The following FAT3 variants were observed in gnomAD, a reference collection of about 807,000 sequenced individuals.
FAT3 encodes FAT atypical cadherin 3.
In FAT3, 95 loss-of-function variants were observed where a neutral mutation model predicts 310.2. The observed-to-expected ratio is 0.31, with a 90% CI of 0.26 to 0.36. FAT3 has a LOEUF of 0.36. FAT3 is among the 10% of genes least tolerant of loss of function. The pLI, the probability that FAT3 is intolerant of heterozygous loss-of-function variation, is 1.00. For missense variants in FAT3, 5,408 were observed against 5,715.6 expected (o/e 0.95, Z 1.74); for synonymous variants, 2,314 against 2,192.9 (o/e 1.06, Z -1.54).
chr11:92,852,206 AT>A (rs1347953254), intron 19 of FAT3, among the ~76,000 whole-genome samples: 1 of 152,202 alleles, frequency 6.6e-6, no homozygotes. Context: ...AAAGGACTTA[AT>A]TTTTTACAAT....
chr11:92,699,130 A>G (rs1944021899), intron 4 of FAT3, among the ~76,000 whole-genome samples: 1 of 152,218 alleles, frequency 6.6e-6, no homozygotes, highest in Non-Finnish European at 1.5e-5. Flanking sequence ...AGTACCTTGG[A>G]CTAACACAGA....
At chr11:92,649,758 C>T (rs1407263126) in intron 3 of FAT3, among the ~76,000 whole-genome samples, 6 of 151,778 alleles carry the variant, frequency 4.0e-5, no homozygotes, top group East Asian at 1.9e-4. Context: ...CTTATGTCAG[C>T]GATCTAGATA....
At chr11:92,721,039 C>T (rs1298516071) in intron 4 of FAT3, among the ~76,000 whole-genome samples, 1 of 152,092 alleles carries the variant, frequency 6.6e-6, no homozygotes, top group Non-Finnish European at 1.5e-5. Context: ...ATCCCATCAC[C>T]CAGGTATTAA....
intron 3 of FAT3, among the ~76,000 whole-genome samples, chr11:92,650,172 C>G (rs1204101751): frequency 6.6e-6 from 1 of 151,808 alleles, no homozygotes; most frequent in Admixed American, 6.6e-5. Context: ...ATGCTGGTGT[C>G]TGTTCTTCCT....
intron 4 of FAT3, among the ~76,000 whole-genome samples, chr11:92,726,675 A>G (rs1284856332): frequency 6.6e-6 from 1 of 151,992 alleles, no homozygotes; most frequent in Admixed American, 6.6e-5. Context: ...AAGAATGGTT[A>G]AACTAAAAAA....
rs753184244 is a variant in FAT3, at chr11:92,840,725, A to C, written c.10532A>C (p.His3511Pro). The C allele has an allele frequency of 6.2e-7, 1 of 1,603,682 alleles. No individual in the cohort carries two copies. Among genetic ancestry groups the C allele is most frequent in the East Asian group, 2.2e-5 (1 of 44,550 alleles). ...TTGCGGTCGGCTGTGGTCTTCCAGC[A>C]CACAGAGTCTCTGGAATACGTGTTG... ...GILRSAVVFQ[H>P]TESLEYVLCV... The change falls in exon 18 of 28, where the codon CAC becomes CCC. Residue 3511 changes from histidine to proline, a missense_variant. By Grantham distance (77) the His-to-Pro change is moderately conservative. Coordinates refer to ENST00000525166, the MANE Select transcript of FAT3 (RefSeq NM_001367949.2).
chr11:92,381,377 G>T (rs1565273225), intron 2 of FAT3, among the ~76,000 whole-genome samples: 2 of 152,138 alleles, frequency 1.3e-5, no homozygotes, highest in Non-Finnish European at 2.9e-5. Context: ...GCTGGGTATG[G>T]TGGCATATAC....
chr11:92,513,991 G>A (rs555646342), intron 2 of FAT3, among the ~76,000 whole-genome samples: 1 of 152,220 alleles, frequency 6.6e-6, no homozygotes, highest in South Asian at 2.1e-4. Context: ...AGTAGATAAG[G>A]TAAACAACCT....
At chr11:92,404,852 G>A (rs1414456196) in intron 2 of FAT3, among the ~76,000 whole-genome samples, 1 of 151,980 alleles carries the variant, frequency 6.6e-6, no homozygotes, top group Non-Finnish European at 1.5e-5. Flanking sequence ...CTCTTTGCCT[G>A]AGCTGGGACA....
At chr11:92,773,194 C>T (rs1341587187) in intron 6 of FAT3, among the ~76,000 whole-genome samples, 2 of 152,126 alleles carry the variant, frequency 1.3e-5, no homozygotes, top group Non-Finnish European at 2.9e-5. Context: ...ACTTTGGTTC[C>T]CAGAGGTAGA....
At chr11:92,344,867 G>A (rs1565241675) in intron 1 of FAT3, among the ~76,000 whole-genome samples, 2 of 152,146 alleles carry the variant, frequency 1.3e-5, no homozygotes, top group African/African-American at 2.4e-5. Context: ...AGATAAGGCT[G>A]GGGGAGGGCA....
At chr11:92,359,948 A>G (rs548262319) in intron 2 of FAT3, among the ~76,000 whole-genome samples, 10,946 of 146,020 alleles carry the variant, frequency 0.075, 590 homozygotes, top group African/African-American at 0.15. Context: ...ATACGTGTGC[A>G]TGTGTCTTTA....
At chr11:92,296,235 G>T (rs1179892664) in intron 1 of FAT3, among the ~76,000 whole-genome samples, 1 of 152,154 alleles carries the variant, frequency 6.6e-6, no homozygotes, top group Non-Finnish European at 1.5e-5. Flanking sequence ...AGCTAAGAGT[G>T]TGTGGTTAAG....
intron 3 of FAT3, among the ~76,000 whole-genome samples, chr11:92,568,602 A>T (rs557378212): frequency 3.3e-5 from 5 of 152,170 alleles, no homozygotes; most frequent in African/African-American, 1.2e-4. Flanking sequence ...TAGTCCTTCA[A>T]ACCCTTGAAT....
At chr11:92,620,108 C>T (rs937887328) in intron 3 of FAT3, among the ~76,000 whole-genome samples, 1 of 151,942 alleles carries the variant, frequency 6.6e-6, no homozygotes, top group Non-Finnish European at 1.5e-5. Context: ...CTACATTGAC[C>T]CATTGATTAT....
At chr11:92,832,162 C>A (rs191894043) in intron 14 of FAT3, among the ~76,000 whole-genome samples, 151 bp downstream of exon 14, 1 of 152,108 alleles carries the variant, frequency 6.6e-6, no homozygotes, top group East Asian at 1.9e-4. Flanking sequence ...GAGACCCTGT[C>A]TCTACAAAAA....
At chr11:92,540,335 C>T (rs1954404723) in intron 3 of FAT3, among the ~76,000 whole-genome samples, 1 of 152,144 alleles carries the variant, frequency 6.6e-6, no homozygotes, top group African/African-American at 2.4e-5. Context: ...AGCTTTACTG[C>T]ATTTATTTCC....
chr11:92,361,772 G>A (rs962418578), intron 2 of FAT3, among the ~76,000 whole-genome samples: 1 of 152,196 alleles, frequency 6.6e-6, no homozygotes, highest in African/African-American at 2.4e-5. Flanking sequence ...GCATGACATA[G>A]CACGTGACAG....
intron 2 of FAT3, among the ~76,000 whole-genome samples, chr11:92,489,653 C>T (rs955955611): frequency 3.9e-5 from 6 of 151,974 alleles, no homozygotes; most frequent in African/African-American, 1.2e-4. Context: ...AATATCTTTC[C>T]AAATTTATAA....
Sources: allele counts gnomAD v4.1 joint callset (sites outside exome capture counted in the v4.1 genomes callset), GRCh38; gene constraint gnomAD v4.1.1; transcripts MANE v1.5; gene names NCBI Gene and HGNC (gene_info 2026-07-23, HGNC 2026-07-21).